The following EML1 variants were observed in gnomAD, a reference collection of about 807,000 sequenced individuals.
EML1 encodes the protein EMAP like 1, also known as echinoderm microtubule-associated protein-like 1.
In EML1, 27 loss-of-function variants were observed where a neutral mutation model predicts 110.4. The ratio of observed to expected loss-of-function variants is 0.24; its 90% CI spans 0.18 to 0.34. EML1 has a LOEUF of 0.34. Among genes scored for constraint, EML1 ranks in the 10% least tolerant of loss-of-function variants. The probability of loss-of-function intolerance (pLI) is 1.00; values close to 1 mark genes in which losing one functional copy is unlikely to be tolerated. For missense variants in EML1, 741 were observed against 1,030.9 expected, an observed-to-expected ratio of 0.72 and a Z score of 3.85; for synonymous variants, 344 against 385.8, an observed-to-expected ratio of 0.89 and a Z score of 1.27.
chr14:99,896,436 G>A (rs1208651339), intron 6 of EML1, among the ~76,000 whole-genome samples: 15 of 152,010 alleles, frequency 9.9e-5, no homozygotes, highest in African/African-American at 3.6e-4. Flanking sequence ...ACATGAAATT[G>A]AAGTGCTTCA....
upstream of EML1, among the ~76,000 whole-genome samples, chr14:99,772,732 A>G (rs112264273): frequency 6.6e-6 from 1 of 152,252 alleles, no homozygotes; most frequent in African/African-American, 2.4e-5. Context: ...ATCTACATAT[A>G]GTATTAATAT....
chr14:99,757,805 T>C (rs1356966296), intron 1 of EML1, among the ~76,000 whole-genome samples: 1 of 152,172 alleles, frequency 6.6e-6, no homozygotes, highest in Admixed American at 6.5e-5. Context: ...CTGAATAAAA[T>C]GTGAGCTTTA....
At chr14:99,937,183 C>T (rs1489123028) in intron 19 of EML1, among the ~76,000 whole-genome samples, 1 of 152,208 alleles carries the variant, frequency 6.6e-6, no homozygotes, top group Non-Finnish European at 1.5e-5. Flanking sequence ...GCAGGGAAAG[C>T]AGGGCAGTGT....
upstream of EML1, among the ~76,000 whole-genome samples, chr14:99,769,245 G>T (rs528912716): frequency 4.6e-5 from 7 of 152,216 alleles, no homozygotes; most frequent in Non-Finnish European, 1.0e-4. Flanking sequence ...GGTCAAGTCA[G>T]CCCACCAGCG....
At chr14:99,795,696 A>C (rs1326960346) in intron 1 of EML1, among the ~76,000 whole-genome samples, 1 of 152,232 alleles carries the variant, frequency 6.6e-6, no homozygotes, top group Non-Finnish European at 1.5e-5. Context: ...AAACATTTGG[A>C]TATTTCATTA....
exon 1 of EML1, chr14:99,773,955 G>A (rs1447937616): frequency 6.6e-6 from 1 of 152,396 alleles, no homozygotes; most frequent in East Asian, 1.9e-4. Context: ...GAGGAGGGGC[G>A]GCTGGGCGGC....
chr14:99,803,102 C>CT (rs1326024994), intron 1 of EML1, among the ~76,000 whole-genome samples: 4 of 152,192 alleles, frequency 2.6e-5, no homozygotes, highest in Non-Finnish European at 5.9e-5. Flanking sequence ...TCTGGGCAGA[C>CT]TTTCCTGGGA....
intron 1 of EML1, among the ~76,000 whole-genome samples, chr14:99,807,609 G>A (rs2058000797): frequency 6.6e-6 from 1 of 152,152 alleles, no homozygotes; most frequent in South Asian, 2.1e-4. Context: ...AGAGCCGCCA[G>A]ACAGGAGCTG....
At chr14:99,896,480 G>C (rs148392561) in intron 6 of EML1, among the ~76,000 whole-genome samples, 288 of 152,154 alleles carry the variant, frequency 1.9e-3, no homozygotes, top group Non-Finnish European at 1.4e-3. Context: ...TTTATTAAAC[G>C]GTTATATCAC....
rs533213127 is a variant in EML1 at position 99,892,341 on chromosome 14, A to G, written c.547+1114A>G. 5.3e-4 allele frequency: 225 copies of G among 423,098 alleles called. 2 individuals carry two copies. In the South Asian group the frequency reaches 0.02, roughly 38 times the overall value. 26.2% of individuals were successfully genotyped at this position (423,098 alleles called of 1,614,324 possible). A position where few individuals can be genotyped will look rare whatever the true frequency, so the allele number is the denominator to read the frequency against. On this transcript the variant is annotated intron_variant, in intron 5 of 21. Coordinates refer to ENST00000262233, the MANE Select transcript of EML1 (RefSeq NM_004434.3). Reference sequence around the variant, plus strand: ...ACCACTTCGATTCATTTTAAGTTAAACGCATCCCTGAGCATTTACTCGGAT... The same window carrying G: ...ACCACTTCGATTCATTTTAAGTTAAGCGCATCCCTGAGCATTTACTCGGAT...
At chr14:99,765,410 C>G (rs955861800) in intron 1 of EML1, among the ~76,000 whole-genome samples, 4 of 152,022 alleles carry the variant, frequency 2.6e-5, no homozygotes, top group African/African-American at 9.7e-5. Context: ...TGGCTACCAC[C>G]AATCTACTTT....
chr14:99,862,875 A>G (rs543696221), intron 2 of EML1, among the ~76,000 whole-genome samples: 1 of 152,256 alleles, frequency 6.6e-6, no homozygotes, highest in South Asian at 2.1e-4. Context: ...ATTAGGTGTC[A>G]TTGCTTTAGG....
chr14:99,848,403 T>G (rs1471893968), intron 1 of EML1, among the ~76,000 whole-genome samples: 1 of 152,180 alleles, frequency 6.6e-6, no homozygotes. Flanking sequence ...TGTGAGGTAA[T>G]GCATGTGTGT....
chr14:99,886,725 C>G lies in EML1; in HGVS notation c.519-4474C>G, dbSNP rs556644482. On this transcript the variant is annotated intron_variant, in intron 4 of 21. Transcript: ENST00000262233. ...AGACCTGCAAGATCTGGCCCCAGAGCCCCCTTTCAGGAACATGGGGTTAGG... is the reference window on the plus strand; with the variant it reads ...AGACCTGCAAGATCTGGCCCCAGAGGCCCCTTTCAGGAACATGGGGTTAGG... Among the ~76,000 whole-genome samples the G allele has an allele frequency of 3.3e-5, 5 of 152,264 alleles. 1 individual carries two copies. The South Asian group carries it at 1.0e-3, about 32-fold the overall frequency.
chr14:99,870,106 C>T lies in EML1; in HGVS notation c.383+4460C>T, dbSNP rs1000602826. 5.3e-5 allele frequency among the ~76,000 whole-genome samples: 8 copies of T among 152,200 alleles called. No individual in the cohort carries two copies. In the South Asian group the frequency reaches 8.3e-4, roughly 16 times the overall value. ...AAAGAAAAAGTTCTTGAAGGAAATT[C>T]GAAGTGCTACTCCAGTGAACACGTG... On this transcript the variant is annotated intron_variant, in intron 3 of 21. Transcript: ENST00000262233.
At chr14:99,809,710 G>T in intron 1 of EML1, 1 of 456,074 alleles carries the variant, frequency 2.2e-6, no homozygotes, top group Non-Finnish European at 4.4e-6. Context: ...GTTGGATTTG[G>T]CCTGATCTGA....
chr14:99,792,282 G>T (rs1406660010), upstream of EML1, among the ~76,000 whole-genome samples: 1 of 152,206 alleles, frequency 6.6e-6, no homozygotes. Flanking sequence ...GCACAAGTTA[G>T]TACCTACCAT....
intron 3 of EML1, 96 bp downstream of exon 3, chr14:99,865,742 C>A (rs753107556): frequency 1.5e-4 from 221 of 1,436,668 alleles, no homozygotes; most frequent in Non-Finnish European, 2.0e-4. Context: ...TGTACAATTT[C>A]TTCTGTGAGT....
intron 1 of EML1, among the ~76,000 whole-genome samples, chr14:99,808,325 A>G (rs1038574186): frequency 2.6e-5 from 4 of 152,330 alleles, no homozygotes; most frequent in African/African-American, 7.2e-5. Flanking sequence ...AGATGCTGAA[A>G]TTATGCAAAG....
Sources: gnomAD v4.1 joint callset for allele counts (sites outside exome capture counted in the v4.1 genomes callset) on GRCh38, gnomAD v4.1.1 for gene constraint, MANE v1.5 for transcripts, NCBI Gene and HGNC (gene_info 2026-07-23, HGNC 2026-07-21) for gene names.